The following PRKN variants were observed in gnomAD, a reference collection of about 807,000 sequenced individuals.
The protein encoded by PRKN is E3 ubiquitin-protein ligase parkin.
In PRKN, 56 loss-of-function variants were observed where a neutral mutation model predicts 59.5. The observed-to-expected ratio is 0.94, with a 90% CI of 0.76 to 1.18. PRKN has a LOEUF of 1.18. Ranked by LOEUF, PRKN falls within the 50% of genes most tolerant of loss-of-function variation. PRKN has a pLI of 0.00. For missense variants in PRKN, 657 were observed against 596.4 expected, an observed-to-expected ratio of 1.10 and a Z score of -1.06; for synonymous variants, 250 against 222.1, an observed-to-expected ratio of 1.13 and a Z score of -1.12.
At chr6:161,476,419 A>AT (rs1791086580) in intron 9 of PRKN, among the ~76,000 whole-genome samples, 2 of 152,186 alleles carry the variant, frequency 1.3e-5, no homozygotes. Context: ...TGGGATTACT[A>AT]TTTACAACTG....
At position 161,869,405 on chromosome 6, in the gene PRKN, T is replaced by G. The variant is rs530396531; in HGVS notation, c.735-83497A>C. Among the ~76,000 whole-genome samples, 20 of 147,420 alleles carry G rather than the reference T, an allele frequency of 1.4e-4. No homozygotes were observed. In the South Asian group the frequency reaches 3.5e-3, roughly 26 times the overall value. ...AATAAAAAATAAAAATAAAATAAAA[T>G]AAAATAAAAGAAAGGCGATGGTCAA... is the stretch of plus-strand genomic sequence containing the variant. On this transcript the variant is annotated intron_variant, in intron 6 of 11. Transcript: ENST00000366898.
chr6:161,725,849 C>A (rs1042234282), intron 7 of PRKN, among the ~76,000 whole-genome samples: 4 of 152,162 alleles, frequency 2.6e-5, no homozygotes, highest in Non-Finnish European at 5.9e-5. Context: ...TCTCAGGGAC[C>A]AGTCCCTCTT....
intron 4 of PRKN, among the ~76,000 whole-genome samples, chr6:162,111,088 G>A (rs1215437313): frequency 1.3e-5 from 2 of 152,134 alleles, no homozygotes; most frequent in Non-Finnish European, 2.9e-5. Context: ...TGGATGGGAA[G>A]ATGTGCACAA....
chr6:161,943,954 C>A (rs1050927829), intron 6 of PRKN, among the ~76,000 whole-genome samples: 5 of 49,278 alleles, frequency 1.0e-4, no homozygotes, highest in Non-Finnish European at 2.1e-4. Flanking sequence ...CCTGAGGGAT[C>A]AGCCTTGAGG....
chr6:162,260,036 A>G (rs955191699), intron 3 of PRKN, among the ~76,000 whole-genome samples: 3 of 152,176 alleles, frequency 2.0e-5, no homozygotes, highest in African/African-American at 2.4e-5. Flanking sequence ...TCTTTTCCCA[A>G]TCTTTACAGA....
chr6:162,617,707 T>G (rs1038879255), intron 1 of PRKN, among the ~76,000 whole-genome samples: 1 of 152,192 alleles, frequency 6.6e-6, no homozygotes, highest in African/African-American at 2.4e-5. Flanking sequence ...CAGTTATCTG[T>G]CTTTCTGTGC....
intron 1 of PRKN, among the ~76,000 whole-genome samples, chr6:162,585,047 C>T (rs1295409854): frequency 6.6e-6 from 1 of 150,694 alleles, no homozygotes; most frequent in Non-Finnish European, 1.5e-5. Flanking sequence ...ATTACAGGTG[C>T]CTGCCACCGT....
chr6:162,144,165 C>T (rs763789068), intron 4 of PRKN, among the ~76,000 whole-genome samples: 4 of 152,104 alleles, frequency 2.6e-5, no homozygotes, highest in Admixed American at 1.3e-4. Context: ...ACCCTGTTAC[C>T]GCGCACACTT....
chr6:162,411,431 A>T (rs1788349785), intron 2 of PRKN, among the ~76,000 whole-genome samples: 1 of 152,214 alleles, frequency 6.6e-6, no homozygotes, highest in African/African-American at 2.4e-5. Context: ...ATGAAGCTTA[A>T]CATCATGTAA....
rs9456703 is a variant in PRKN, at chr6:161,723,569, G to A, written c.871+62203C>T. Among the ~76,000 whole-genome samples the A allele has an allele frequency of 8.6e-3, 1,316 of 152,196 alleles. 24 individuals are homozygous for A. The highest frequency in any genetic ancestry group is 0.03 in the African/African-American group (1,255 of 41,528). ...TATGCAGGGTCCATGGGCAGCCCTA[G>A]AGGTTGAAGTTCAAACTCAGGGATG... On this transcript the variant is annotated intron_variant, in intron 7 of 11. Coordinates refer to ENST00000366898, the MANE Select transcript of PRKN (RefSeq NM_004562.3).
intron 1 of PRKN, among the ~76,000 whole-genome samples, chr6:162,538,137 G>T (rs371022682): frequency 6.6e-6 from 1 of 152,298 alleles, no homozygotes; most frequent in African/African-American, 2.4e-5. Flanking sequence ...GGTGGCTCAC[G>T]CCTGTAATCC....
chr6:162,563,338 A>G (rs1264163262), intron 1 of PRKN, among the ~76,000 whole-genome samples: 1 of 152,054 alleles, frequency 6.6e-6, no homozygotes, highest in African/African-American at 2.4e-5. Context: ...AAACAAAAAA[A>G]GAGAAAGCAA....
intron 2 of PRKN, among the ~76,000 whole-genome samples, chr6:162,442,928 G>A (rs1790128434): frequency 6.6e-6 from 1 of 152,114 alleles, no homozygotes; most frequent in African/African-American, 2.4e-5. Context: ...TGCAGGGACT[G>A]AGCAGCCTGA....
intron 7 of PRKN, among the ~76,000 whole-genome samples, chr6:161,638,156 T>A (rs1783597901): frequency 6.6e-6 from 1 of 151,832 alleles, no homozygotes; most frequent in African/African-American, 2.4e-5. Flanking sequence ...TTTTCGAGAC[T>A]GAATCTCTCT....
intron 9 of PRKN, among the ~76,000 whole-genome samples, chr6:161,389,690 G>A (rs1436524793): frequency 2.0e-5 from 3 of 152,184 alleles, no homozygotes; most frequent in Non-Finnish European, 4.4e-5. Flanking sequence ...AAATGTGGAC[G>A]GGAGGCCCAA....
intron 6 of PRKN, among the ~76,000 whole-genome samples, chr6:161,895,595 GATTCA>G (rs2128233315): frequency 1.7e-5 from 2 of 118,744 alleles, no homozygotes; most frequent in East Asian, 2.9e-4. Flanking sequence ...AGGCTTCTGA[GATTCA>G]GGAGCACGCC....
chr6:161,716,796 C>T (rs1787002128), intron 7 of PRKN, among the ~76,000 whole-genome samples: 1 of 152,144 alleles, frequency 6.6e-6, no homozygotes, highest in Admixed American at 6.5e-5. Flanking sequence ...AAGTGGCCCC[C>T]AAGGTGGCAT....
At chr6:161,524,306 G>A (rs1012659415) in intron 9 of PRKN, among the ~76,000 whole-genome samples, 5 of 152,086 alleles carry the variant, frequency 3.3e-5, no homozygotes, top group Non-Finnish European at 1.5e-5. Flanking sequence ...GAAAAAAATT[G>A]TTTTGTGTAT....
intron 7 of PRKN, among the ~76,000 whole-genome samples, chr6:161,653,908 C>T (rs931779337): frequency 6.6e-6 from 1 of 152,170 alleles, no homozygotes; most frequent in African/African-American, 2.4e-5. Context: ...GTCACAGGAG[C>T]ACGCTGGGGT....
Sources: allele counts gnomAD v4.1 joint callset (sites outside exome capture counted in the v4.1 genomes callset), GRCh38; gene constraint gnomAD v4.1.1; transcripts MANE v1.5; gene names NCBI Gene and HGNC (gene_info 2026-07-23, HGNC 2026-07-21).